TBXAS1: variants seen among roughly 807,000 people sequenced by gnomAD.
TBXAS1 encodes the protein thromboxane A synthase 1.
TBXAS1 carries 48 observed loss-of-function variants against 60.7 expected under a neutral mutation model. The observed-to-expected ratio is 0.79, with a 90% CI of 0.63 to 1.01. TBXAS1 has a LOEUF of 1.01. Among genes scored for constraint, TBXAS1 ranks in the 50% least tolerant of loss-of-function variants. TBXAS1 has a pLI of 0.00. For missense variants in TBXAS1, 685 were observed against 686.3 expected (o/e 1.00, Z 0.02); for synonymous variants, 287 against 269.7 (o/e 1.06, Z -0.63).
chr7:139,911,930 C>T (rs1805558235), intron 4 of TBXAS1, among the ~76,000 whole-genome samples: 1 of 152,188 alleles, frequency 6.6e-6, no homozygotes, highest in African/African-American at 2.4e-5. Flanking sequence ...GGCGAGGTGA[C>T]AGAAAATGGC....
chr7:139,881,220 A>C (rs1399333511), intron 3 of TBXAS1, among the ~76,000 whole-genome samples: 1 of 151,900 alleles, frequency 6.6e-6, no homozygotes, highest in Non-Finnish European at 1.5e-5. Flanking sequence ...ATTGTCTTTG[A>C]CTTTGCTTAT....
intron 4 of TBXAS1, among the ~76,000 whole-genome samples, chr7:139,912,028 C>T (rs1461583994): frequency 6.6e-6 from 1 of 152,144 alleles, no homozygotes; most frequent in African/African-American, 2.4e-5. Context: ...TTCAGGAGTT[C>T]GAGACCAGCC....
At chr7:139,869,553 A>AT (rs960923288) in intron 1 of TBXAS1, among the ~76,000 whole-genome samples, 2 of 151,740 alleles carry the variant, frequency 1.3e-5, no homozygotes, top group Admixed American at 6.6e-5. Context: ...ACCCCTGGCT[A>AT]TTTTTTTGCA....
intron 4 of TBXAS1, among the ~76,000 whole-genome samples, chr7:139,798,917 G>C (rs541749860): frequency 6.6e-6 from 1 of 152,220 alleles, no homozygotes; most frequent in African/African-American, 2.4e-5. Context: ...TTCTGGTTCT[G>C]TAACTTCAGT....
At chr7:139,838,327 T>C (rs1317026184) in intron 1 of TBXAS1, among the ~76,000 whole-genome samples, 1 of 152,182 alleles carries the variant, frequency 6.6e-6, no homozygotes, top group Non-Finnish European at 1.5e-5. Context: ...TCTCTGTCCC[T>C]CACAATGCCT....
chr7:139,989,136 T>G (rs537183454), intron 9 of TBXAS1, among the ~76,000 whole-genome samples: 1 of 152,260 alleles, frequency 6.6e-6, no homozygotes, highest in South Asian at 2.1e-4. Flanking sequence ...ACGTGGGCAC[T>G]GAGCTCTTTT....
chr7:139,782,133 A>G (rs988132791), intron 2 of TBXAS1, among the ~76,000 whole-genome samples: 9 of 151,626 alleles, frequency 5.9e-5, no homozygotes, highest in African/African-American at 2.2e-4. Context: ...TGTGCATTGT[A>G]TTTTATTTAT....
At chr7:139,880,727 A>G (rs1052122408) in intron 3 of TBXAS1, among the ~76,000 whole-genome samples, 3 of 152,210 alleles carry the variant, frequency 2.0e-5, no homozygotes, top group African/African-American at 7.2e-5. Context: ...CAAGTTCTCA[A>G]TTGATAAACA....
intron 9 of TBXAS1, among the ~76,000 whole-genome samples, chr7:139,965,159 A>G (rs1810682114): frequency 6.6e-6 from 1 of 152,142 alleles, no homozygotes; most frequent in South Asian, 2.1e-4. Context: ...CGGAGGTTGC[A>G]GTGAGCAAAG....
chr7:139,792,168 A>G (rs17177953), intron 4 of TBXAS1, among the ~76,000 whole-genome samples: 16,635 of 152,302 alleles, frequency 0.11, 1,158 homozygotes, highest in Non-Finnish European at 0.16. Context: ...CTAAAAGGAT[A>G]TACTTCTCAT....
chr7:139,901,286 A>T (rs1464364272), intron 3 of TBXAS1, among the ~76,000 whole-genome samples: 1 of 151,762 alleles, frequency 6.6e-6, no homozygotes, highest in Non-Finnish European at 1.5e-5. Context: ...ATTCTAAAGG[A>T]ATTGTTGCAA....
chr7:139,884,411 G>C (rs1802922997), intron 3 of TBXAS1, among the ~76,000 whole-genome samples: 2 of 152,180 alleles, frequency 1.3e-5, no homozygotes, highest in Non-Finnish European at 2.9e-5. Flanking sequence ...AATTCATGTG[G>C]ATATCTTCTC....
Position 139,951,950 on chromosome 7 carries a change from A to AAGG in TBXAS1, c.451-1417_451-1416insGGA, listed in dbSNP as rs1554496760. Among the ~76,000 whole-genome samples, 157 of 41,978 alleles carry AAGG rather than the reference A, an allele frequency of 3.7e-3. 5 individuals are homozygous for AAGG. In the Middle Eastern group the frequency reaches 0.062, roughly 17 times the overall value. The allele number at this position is 41,978 out of a possible 152,430, so 27.5% of individuals were successfully genotyped here. A position where few individuals can be genotyped will look rare whatever the true frequency, so the allele number is the denominator to read the frequency against. On this transcript the variant is annotated intron_variant, in intron 5 of 12. Transcript: ENST00000448866. ...GAAAGAGAGAAAGAAGGAAAGAAAG[A>AAGG]AAAGAAAGAAAGAAAGAAAGAAAGA...
chr7:139,966,849 T>C (rs1159998007), intron 9 of TBXAS1, among the ~76,000 whole-genome samples: 4 of 152,210 alleles, frequency 2.6e-5, no homozygotes, highest in African/African-American at 9.7e-5. Context: ...AGGAGAGGTC[T>C]GTTTTTTCCC....
chr7:139,947,572 T>C (rs988323656), intron 5 of TBXAS1, among the ~76,000 whole-genome samples: 1 of 152,194 alleles, frequency 6.6e-6, no homozygotes. Context: ...AATAAAATTT[T>C]AAAAAACTGG....
intron 1 of TBXAS1, among the ~76,000 whole-genome samples, chr7:139,835,050 A>C (rs1156920749): frequency 6.8e-6 from 1 of 147,290 alleles, no homozygotes; most frequent in South Asian, 2.1e-4. Context: ...CTTGATGAAC[A>C]TAGATACTAA....
intron 1 of TBXAS1, among the ~76,000 whole-genome samples, chr7:139,863,981 T>G (rs111516225): frequency 2.4e-4 from 36 of 152,268 alleles, no homozygotes; most frequent in African/African-American, 8.4e-4. Context: ...ACACTTAATT[T>G]TGAAACATTA....
At chr7:139,834,142 T>G (rs532998418) in intron 1 of TBXAS1, among the ~76,000 whole-genome samples, 1 of 152,264 alleles carries the variant, frequency 6.6e-6, no homozygotes, top group South Asian at 2.1e-4. Flanking sequence ...AAACTGGAAA[T>G]CATCTCCAAA....
intron 1 of TBXAS1, among the ~76,000 whole-genome samples, chr7:139,839,515 CCAGAGGTA>C (rs1049131403): frequency 9.2e-5 from 14 of 151,620 alleles, no homozygotes; most frequent in African/African-American, 3.4e-4. Flanking sequence ...GTACCAAGAC[CCAGAGGTA>C]CATAATCAAT....
Sources: gnomAD v4.1 joint callset for allele counts (sites outside exome capture counted in the v4.1 genomes callset) on GRCh38, gnomAD v4.1.1 for gene constraint, MANE v1.5 for transcripts, NCBI Gene and HGNC (gene_info 2026-07-23, HGNC 2026-07-21) for gene names.